Variants in HSPA5 observed in about 807,000 individuals in gnomAD.
HSPA5 encodes the protein heat shock protein family A (Hsp70) member 5.
HSPA5 carries 16 observed loss-of-function variants against 49.5 expected under a neutral mutation model. That is an observed-to-expected ratio of 0.32 (90% CI 0.22 to 0.49). The LOEUF (loss-of-function observed/expected upper bound fraction) is 0.49. Ranked by LOEUF, HSPA5 falls within the 20% of genes least tolerant of loss-of-function variation. The probability of loss-of-function intolerance (pLI) is 0.99; values close to 1 mark genes in which losing one functional copy is unlikely to be tolerated. For missense variants in HSPA5, 376 were observed against 819.0 expected (o/e 0.46, Z 6.60); for synonymous variants, 271 against 307.2 (o/e 0.88, Z 1.23).
Position 125,236,769 on chromosome 9 carries a change from T to G in HSPA5, c.1788A>C (p.Lys596Asn). Residue 596 changes from lysine to asparagine, a missense_variant, in exon 8 of 8, where the codon AAA (lysine) becomes AAC (asparagine). Lys to Asn is a moderately conservative substitution (Grantham distance 94, BLOSUM62 0). Around this residue, in one of 8 missense-constraint regions of HSPA5, gnomAD observed 72 missense variants for 87.8 expected, o/e 0.82. Coordinates refer to ENST00000324460, the MANE Select transcript of HSPA5 (RefSeq NM_005347.5). ...LSSEDKETME[K>N]AVEEKIEWLE... ...GCCATTCAATCTTTTCTTCTACAGCTTTTTCCATGGTCTCCTTATCTTCAG... is the reference window on the plus strand; with the variant it reads ...GCCATTCAATCTTTTCTTCTACAGCGTTTTCCATGGTCTCCTTATCTTCAG... 6.2e-7 allele frequency: 1 copy of G among 1,613,004 alleles called. No homozygotes were observed. Among genetic ancestry groups the G allele is most frequent in the Non-Finnish European group, 8.5e-7 (1 of 1,179,378 alleles).
chr9:125,238,691 A>G lies in HSPA5; in HGVS notation c.1133T>C (p.Phe378Ser). ...ACGGGATGGTTCCTTGCCATTGAAG[A>G]ACTCTTTAACCAGTTGCTGAATCTT... ...IPKIQQLVKE[F>S]FNGKEPSRGI... Residue 378 changes from phenylalanine to serine, a missense_variant, in exon 6 of 8, where the codon TTC becomes TCC. Physicochemically the swap from Phe to Ser is radical, Grantham distance 155. Around this residue, in one of 8 missense-constraint regions of HSPA5, gnomAD observed 89 missense variants for 155.9 expected, o/e 0.57. Coordinates refer to ENST00000324460, the MANE Select transcript of HSPA5 (RefSeq NM_005347.5). 6.2e-7 allele frequency: 1 copy of G among 1,614,196 alleles called. No homozygotes were observed. The highest frequency in any genetic ancestry group is 8.5e-7 in the Non-Finnish European group (1 of 1,180,028).
In HSPA5 at chr9:125,238,700, A is replaced by C; in HGVS notation, c.1124T>G (p.Val375Gly). The stretch of plus-strand genomic sequence containing the variant: ...TTCCTTGCCATTGAAGAACTCTTTA[A>C]CCAGTTGCTGAATCTTTGGAATTCG... Reference protein sequence around the residue: ...STRIPKIQQLVKEFFNGKEPS... With the variant: ...STRIPKIQQLGKEFFNGKEPS... Residue 375 changes from valine to glycine, a missense_variant, in exon 6 of 8, where the codon GTT becomes GGT. By Grantham distance (109) the Val-to-Gly change is moderately radical. Around this residue, in one of 8 missense-constraint regions of HSPA5, gnomAD observed 89 missense variants for 155.9 expected, o/e 0.57. Transcript: ENST00000324460. 1 of 1,614,186 alleles carries C rather than the reference A, an allele frequency of 6.2e-7. No homozygotes were observed. Among genetic ancestry groups the C allele is most frequent in the Non-Finnish European group, 8.5e-7 (1 of 1,180,026 alleles).
rs773969655 is a variant in HSPA5 at position 125,241,269 on chromosome 9, G to C, written c.-143C>G. ...GGCGAAGGGCAGGTCTAGAAATACA[G>C]GCCGCGGCGCTTCCCTCTCACACTC... On this transcript the variant is annotated 5_prime_UTR_variant, in exon 1 of 8. Coordinates refer to ENST00000324460, the MANE Select transcript of HSPA5 (RefSeq NM_005347.5). 5.5e-6 allele frequency: 5 copies of C among 913,940 alleles called. No homozygotes were observed. Among genetic ancestry groups the C allele is most frequent in the Non-Finnish European group, 8.2e-6 (5 of 610,884 alleles). The allele number at this position is 913,940 out of a possible 1,614,324, so 56.6% of individuals were successfully genotyped here.
rs1329304025 is a variant in HSPA5, at chr9:125,235,112, G to T, written c.*1480C>A. 2 of 152,146 alleles carry T rather than the reference G, an allele frequency of 1.3e-5. No individual in the cohort carries two copies. The highest frequency in any genetic ancestry group is 2.4e-5 in the African/African-American group (1 of 41,438). 9.4% of individuals were successfully genotyped at this position (152,146 alleles called of 1,614,324 possible). A position where few individuals can be genotyped will look rare whatever the true frequency, so the allele number is the denominator to read the frequency against. On this transcript the variant is annotated 3_prime_UTR_variant, in exon 8 of 8. Coordinates refer to ENST00000324460, the MANE Select transcript of HSPA5 (RefSeq NM_005347.5). ...GCAGCTGAGGCCTAGGTCTAATTAA[G>T]AGTTTGGTGTTGGGATCCAGTTCTA...
In HSPA5 at chr9:125,236,811, C is replaced by T. The variant is rs1832503151; in HGVS notation, c.1746G>A (p.Leu582=). ...LKNQIGDKEK[L]GGKLSSEDKE... The stretch of plus-strand genomic sequence containing the variant: ...TATCTTCAGAGGAAAGTTTACCTCC[C>T]AGCTTTTCTTTATCTCCAATCTGAT... The change falls in exon 8 of 8, where the codon CTG becomes CTA. Residue 582 remains leucine, a synonymous_variant. Transcript: ENST00000324460. 6 of 1,613,592 alleles carry T rather than the reference C, an allele frequency of 3.7e-6. No individual in the cohort carries two copies. Among genetic ancestry groups the T allele is most frequent in the Admixed American group, 1.7e-5 (1 of 59,948 alleles).
At position 125,241,052 on chromosome 9, in the gene HSPA5, C is replaced by T. The variant is rs1296079388; in HGVS notation, c.75G>A (p.Glu25=). The part of the protein sequence containing the change: ...AARAEEEDKK[E]DVGTVVGIDL... ...CGATGCCGACCACCGTGCCCACGTC[C>T]TCCTTCTTGTCCTCCTCCTCGGCCC... The change falls in exon 1 of 8, where the codon GAG becomes GAA. Residue 25 remains glutamate, a synonymous_variant. Coordinates refer to ENST00000324460, the MANE Select transcript of HSPA5 (RefSeq NM_005347.5). 4.3e-6 allele frequency: 7 copies of T among 1,614,042 alleles called. No homozygotes were observed. Among genetic ancestry groups the T allele is most frequent in the East Asian group, 2.2e-5 (1 of 44,890 alleles).
rs1013865109 is a variant in HSPA5 at position 125,236,035 on chromosome 9, A to G, written c.*557T>C. ...TGGTGGTAACAAGCCTGTGGTCTCA[A>G]TTAGCTGGGAGACTGAGGTGGAAGG... On this transcript the variant is annotated 3_prime_UTR_variant, in exon 8 of 8. Coordinates refer to ENST00000324460, the MANE Select transcript of HSPA5 (RefSeq NM_005347.5). 6.6e-6 allele frequency: 1 copy of G among 151,396 alleles called. No individual in the cohort carries two copies. The highest frequency in any genetic ancestry group is 1.5e-5 in the Non-Finnish European group (1 of 67,994). 9.4% of individuals were successfully genotyped at this position (151,396 alleles called of 1,614,324 possible).
In HSPA5 at chr9:125,241,127, C is replaced by A. The variant is rs773591164; in HGVS notation, c.-1G>T. ...TCGCGGCCACCAGGGAGAGCTTCATCTTGCCAGCCAGTTGGGCAGCAGCAG... is the reference window on the plus strand; with the variant it reads ...TCGCGGCCACCAGGGAGAGCTTCATATTGCCAGCCAGTTGGGCAGCAGCAG... On this transcript the variant is annotated 5_prime_UTR_variant, in exon 1 of 8. Transcript: ENST00000324460. 2.5e-6 allele frequency: 4 copies of A among 1,610,474 alleles called. No homozygotes were observed. Among genetic ancestry groups the A allele is most frequent in the Non-Finnish European group, 3.4e-6 (4 of 1,178,764 alleles).
Position 125,240,873 on chromosome 9 carries a change from T to A in HSPA5, c.157A>T (p.Ile53Phe). The stretch of plus-strand genomic sequence containing the variant: ...ATGCGGTTGCCCTGATCGTTGGCGA[T>A]GATCTCCACGCGGCCGTTCTTGAAC... ...GVFKNGRVEI[I>F]ANDQGNRITP... Residue 53 changes from isoleucine to phenylalanine, a missense_variant, in exon 2 of 8, where the codon ATC becomes TTC. Physicochemically the swap from Ile to Phe is conservative, Grantham distance 21 (BLOSUM62 0). Around this residue, in one of 8 missense-constraint regions of HSPA5, gnomAD observed 9 missense variants for 53.1 expected, o/e 0.17. Transcript: ENST00000324460. The surrounding 1 kb of genome is among the most constrained non-coding windows in gnomAD (Gnocchi z 4.4). The A allele has an allele frequency of 1.2e-6, 2 of 1,614,198 alleles. No individual in the cohort carries two copies. The highest frequency in any genetic ancestry group is 1.7e-6 in the Non-Finnish European group (2 of 1,180,012).
chr9:125,240,580 T>C lies in HSPA5; in HGVS notation c.354+96A>G. The C allele has an allele frequency of 2.9e-6, 3 of 1,017,196 alleles. No homozygotes were observed. In the Admixed American group the frequency reaches 6.3e-5, roughly 21 times the overall value. 63.0% of individuals were successfully genotyped at this position (1,017,196 alleles called of 1,614,324 possible). A position where few individuals can be genotyped will look rare whatever the true frequency, so the allele number is the denominator to read the frequency against. ...ATTACATACATCATGTCTATAACCTTCAACTGTTGTCTCAACACTTTTCCA... is the reference window on the plus strand; with the variant it reads ...ATTACATACATCATGTCTATAACCTCCAACTGTTGTCTCAACACTTTTCCA... On this transcript the variant is annotated intron_variant, in intron 2 of 7. Coordinates refer to ENST00000324460, the MANE Select transcript of HSPA5 (RefSeq NM_005347.5). The surrounding 1 kb of genome is among the most constrained non-coding windows in gnomAD (Gnocchi z 4.4).
intron 7 of HSPA5, among the ~76,000 whole-genome samples, chr9:125,237,828 G>A (rs574207116): frequency 4.6e-5 from 7 of 152,086 alleles, no homozygotes; most frequent in South Asian, 2.1e-4. Flanking sequence ...TAGATCTGGC[G>A]TGGTGGCTCA....
chr9:125,237,077 C>T lies in HSPA5; in HGVS notation c.1480G>A (p.Val494Ile). ...LTGIPPAPRG[V>I]PQIEVTFEID... ...TCAAAGGTGACTTCAATCTGTGGGACCCCACGAGGAGCAGGAGGAATTCCA... is the reference window on the plus strand; with the variant it reads ...TCAAAGGTGACTTCAATCTGTGGGATCCCACGAGGAGCAGGAGGAATTCCA... The change falls in exon 8 of 8, where the codon GTC (valine) becomes ATC (isoleucine). Residue 494 changes from valine to isoleucine, a missense_variant. Val to Ile is a conservative substitution (Grantham distance 29). This residue lies in a region of HSPA5 where 71 missense variants were observed against 169.9 expected (regional missense o/e 0.42). Coordinates refer to ENST00000324460, the MANE Select transcript of HSPA5 (RefSeq NM_005347.5). 6.2e-7 allele frequency: 1 copy of T among 1,613,582 alleles called. No homozygotes were observed. Among genetic ancestry groups the T allele is most frequent in the South Asian group, 1.1e-5 (1 of 91,068 alleles).
rs1236020201 is a variant in HSPA5, at chr9:125,235,818, C to CTATA, written c.*770_*773dup. On this transcript the variant is annotated 3_prime_UTR_variant, in exon 8 of 8. Transcript: ENST00000324460. Reference sequence around the variant, plus strand: ...ATCATTTCTCAGAGAATCCAAGCAGCTATAAAAGCATCATTAGTAATAATT... The same window carrying CTATA: ...ATCATTTCTCAGAGAATCCAAGCAGCTATATATAAAAGCATCATTAGTAATAATT... 6.6e-6 allele frequency: 1 copy of CTATA among 151,944 alleles called. No homozygotes were observed. The highest frequency in any genetic ancestry group is 1.5e-5 in the Non-Finnish European group (1 of 68,016). The allele number at this position is 151,944 out of a possible 1,614,324, so 9.4% of individuals were successfully genotyped here.
Position 125,241,312 on chromosome 9 carries a change from G to T in HSPA5, c.-186C>A, listed in dbSNP as rs34899577. 3 of 645,524 alleles carry T rather than the reference G, an allele frequency of 4.6e-6. No individual in the cohort carries two copies. Among genetic ancestry groups the T allele is most frequent in the Non-Finnish European group, 7.9e-6 (3 of 378,972 alleles). The allele number at this position is 645,524 out of a possible 1,614,324, so 40.0% of individuals were successfully genotyped here. A position where few individuals can be genotyped will look rare whatever the true frequency, so the allele number is the denominator to read the frequency against. ...TCACACTCGCGAAACACCCCAATAG[G>T]TCAATCTGTCTGTGCTGTCTTGGCC... is the stretch of plus-strand genomic sequence containing the variant. On this transcript the variant is annotated 5_prime_UTR_variant, in exon 1 of 8. Transcript: ENST00000324460.
At position 125,239,091 on chromosome 9, in the gene HSPA5, A is replaced by G. The variant is rs1402603403; in HGVS notation, c.846T>C (p.Asn282=). The change falls in exon 5 of 8, where the codon AAT becomes AAC. Residue 282 remains asparagine (N), a synonymous_variant. Coordinates refer to ENST00000324460, the MANE Select transcript of HSPA5 (RefSeq NM_005347.5). The surrounding 1 kb of genome is among the most constrained non-coding windows in gnomAD (Gnocchi z 5.5). ...CGCGCCGGAGTTTCTGCACAGCTCT[A>G]TTGTCTTTCCTGACATCTTTGCCCG... ...KKTGKDVRKD[N]RAVQKLRREV... is the part of the protein sequence containing the mutation. 1.8e-5 allele frequency: 29 copies of G among 1,613,882 alleles called. No individual in the cohort carries two copies. The Admixed American group carries it at 4.5e-4, about 25-fold the overall frequency.
At chr9:125,237,182 T>C in intron 7 of HSPA5, 28 bp from the exon 8 acceptor site, 13 of 1,483,672 alleles carry the variant, frequency 8.8e-6, no homozygotes, top group Non-Finnish European at 1.1e-5. Flanking sequence ...AAAAACTTGT[T>C]AGTTGTTACT....
Position 125,236,738 on chromosome 9 carries a change from T to C in HSPA5, c.1819A>G (p.Ser607Gly). 1 of 1,613,968 alleles carries C rather than the reference T, an allele frequency of 6.2e-7. No individual in the cohort carries two copies. Among genetic ancestry groups the C allele is most frequent in the East Asian group, 2.2e-5 (1 of 44,888 alleles). Residue 607 changes from serine to glycine, a missense_variant, in exon 8 of 8, where the codon AGC (serine) becomes GGC (glycine). Ser to Gly is a moderately conservative substitution (Grantham distance 56). Coordinates refer to ENST00000324460, the MANE Select transcript of HSPA5 (RefSeq NM_005347.5). Reference sequence around the variant, plus strand: ...TCTTCAATGTCAGCATCTTGGTGGCTTTCCAGCCATTCAATCTTTTCTTCT... The same window carrying C: ...TCTTCAATGTCAGCATCTTGGTGGCCTTCCAGCCATTCAATCTTTTCTTCT... ...AVEEKIEWLE[S>G]HQDADIEDFK...
intron 7 of HSPA5, among the ~76,000 whole-genome samples, chr9:125,237,573 G>A (rs1326251000): frequency 6.6e-6 from 1 of 151,306 alleles, no homozygotes; most frequent in Admixed American, 6.6e-5. Context: ...AAACTTAGCC[G>A]GGCGTGATGG....
Position 125,236,812 on chromosome 9 carries a change from A to T in HSPA5, c.1745T>A (p.Leu582Gln), listed in dbSNP as rs755226649. 1.2e-6 allele frequency: 2 copies of T among 1,613,672 alleles called. No individual in the cohort carries two copies. The highest frequency in any genetic ancestry group is 1.7e-6 in the Non-Finnish European group (2 of 1,179,696). ...LKNQIGDKEK[L>Q]GGKLSSEDKE... Reference sequence around the variant, plus strand: ...ATCTTCAGAGGAAAGTTTACCTCCCAGCTTTTCTTTATCTCCAATCTGATT... The same window carrying T: ...ATCTTCAGAGGAAAGTTTACCTCCCTGCTTTTCTTTATCTCCAATCTGATT... Residue 582 changes from leucine (L) to glutamine (Q), a missense_variant, in exon 8 of 8, where the codon CTG (leucine) becomes CAG (glutamine). By Grantham distance (113) the Leu-to-Gln change is moderately radical. Coordinates refer to ENST00000324460, the MANE Select transcript of HSPA5 (RefSeq NM_005347.5).
Sources: allele counts gnomAD v4.1 joint callset (sites outside exome capture counted in the v4.1 genomes callset), GRCh38; gene constraint gnomAD v4.1.1; regional missense constraint gnomAD v4.1.1; non-coding constraint Gnocchi (gnomAD v3.1); transcripts MANE v1.5; gene names NCBI Gene and HGNC (gene_info 2026-07-23, HGNC 2026-07-21).